Variants in COP1 observed in about 807,000 individuals in gnomAD.
The protein encoded by COP1 is COP1 E3 ubiquitin ligase, also known as E3 ubiquitin-protein ligase COP1.
In COP1, 24 loss-of-function variants were observed where a neutral mutation model predicts 101.3. The ratio of observed to expected loss-of-function variants is 0.24; its 90% CI spans 0.17 to 0.33. The LOEUF is 0.33. COP1 is among the 10% of genes least tolerant of loss of function. COP1 has a pLI of 1.00. For missense variants in COP1, 663 were observed against 906.2 expected (o/e 0.73, Z 3.45); for synonymous variants, 347 against 341.9 (o/e 1.01, Z -0.17).
chr1:175,947,896 C>T (rs1330047758), intron 18 of COP1, among the ~76,000 whole-genome samples: 1 of 152,140 alleles, frequency 6.6e-6, no homozygotes, highest in African/African-American at 2.4e-5. Flanking sequence ...TGAATAATTG[C>T]TTTCCCAGCA....
At chr1:176,169,777 T>C (rs1695755555) in intron 3 of COP1, among the ~76,000 whole-genome samples, 1 of 152,180 alleles carries the variant, frequency 6.6e-6, no homozygotes, top group South Asian at 2.1e-4. Flanking sequence ...AAGAACACAA[T>C]GACGAAGACT....
At position 175,944,906 on chromosome 1, in the gene COP1, G is replaced by T; in HGVS notation, c.*247C>A. Reference sequence around the variant, plus strand: ...ATTTGTTTCCCTATCACAAAAATTAGATAACACCACCAAGAGCAGCAATGT... The same window carrying T: ...ATTTGTTTCCCTATCACAAAAATTATATAACACCACCAAGAGCAGCAATGT... On this transcript the variant is annotated 3_prime_UTR_variant, in exon 20 of 20. Coordinates refer to ENST00000367669, the MANE Select transcript of COP1 (RefSeq NM_022457.7). 2 of 419,950 alleles carry T rather than the reference G, an allele frequency of 4.8e-6. No homozygotes were observed. Among genetic ancestry groups the T allele is most frequent in the South Asian group, 7.9e-5 (1 of 12,632 alleles). The allele number at this position is 419,950 out of a possible 1,614,324, so 26.0% of individuals were successfully genotyped here.
At chr1:176,115,571 AC>A (rs2149591843) in intron 9 of COP1, among the ~76,000 whole-genome samples, 1 of 151,840 alleles carries the variant, frequency 6.6e-6, no homozygotes, top group African/African-American at 2.4e-5. Context: ...ACATGGTGAA[AC>A]CCCGTTTCTA....
chr1:176,037,567 A>C (rs1258947260), intron 14 of COP1, among the ~76,000 whole-genome samples: 1 of 152,058 alleles, frequency 6.6e-6, no homozygotes, highest in Non-Finnish European at 1.5e-5. Flanking sequence ...AACAAACAAA[A>C]AAACCTCAAG....
At chr1:176,041,107 A>AT (rs1309211086) in intron 14 of COP1, among the ~76,000 whole-genome samples, 1 of 152,146 alleles carries the variant, frequency 6.6e-6, no homozygotes, top group African/African-American at 2.4e-5. Flanking sequence ...TCGTTAAGAG[A>AT]TTTTAGTATA....
chr1:176,048,743 ATGT>A (rs1053901398), intron 11 of COP1, among the ~76,000 whole-genome samples: 1 of 152,178 alleles, frequency 6.6e-6, no homozygotes, highest in African/African-American at 2.4e-5. Flanking sequence ...CACCATTCCA[ATGT>A]TGTGCCAGTA....
At chr1:176,149,202 T>C in intron 5 of COP1, 128 bp from the exon 6 acceptor site, 3 of 464,532 alleles carry the variant, frequency 6.5e-6, no homozygotes, top group Non-Finnish European at 1.1e-5. Context: ...TATTTCTATT[T>C]AATCAGTTTT....
chr1:176,170,998 G>A (rs545755855), intron 3 of COP1, among the ~76,000 whole-genome samples: 21 of 151,690 alleles, frequency 1.4e-4, no homozygotes, highest in Middle Eastern at 3.4e-3. Flanking sequence ...GGTGGTGGGC[G>A]CCTGTAATCC....
intron 11 of COP1, among the ~76,000 whole-genome samples, chr1:176,059,070 T>C (rs1202014485): frequency 6.6e-6 from 1 of 152,222 alleles, no homozygotes; most frequent in African/African-American, 2.4e-5. Context: ...TTACAGGTGG[T>C]TGCAGATCTC....
chr1:176,140,927 A>G (rs567462914), intron 6 of COP1, among the ~76,000 whole-genome samples: 2 of 152,302 alleles, frequency 1.3e-5, no homozygotes, highest in African/African-American at 4.8e-5. Flanking sequence ...AAGCCCAAAG[A>G]AAACTTTTAG....
intron 11 of COP1, among the ~76,000 whole-genome samples, chr1:176,068,004 C>T (rs944552497): frequency 2.6e-5 from 4 of 152,186 alleles, no homozygotes; most frequent in African/African-American, 9.7e-5. Context: ...GACAAGGGAA[C>T]TTTTCCCATT....
chr1:176,078,500 A>G (rs1036289195), intron 11 of COP1, among the ~76,000 whole-genome samples: 2 of 152,138 alleles, frequency 1.3e-5, no homozygotes, highest in Admixed American at 1.3e-4. Flanking sequence ...ACTCAAGATC[A>G]ATCAAAACTT....
At chr1:176,165,361 C>CGTGTGTGT (rs34291468) in intron 3 of COP1, among the ~76,000 whole-genome samples, 3,988 of 132,052 alleles carry the variant, frequency 0.03, 118 homozygotes, top group South Asian at 0.047. Flanking sequence ...AGATGTGTGT[C>CGTGTGTGT]GTGTGTGTGT....
intron 11 of COP1, among the ~76,000 whole-genome samples, chr1:176,058,131 GGGGT>G: frequency 2.4e-5 from 1 of 41,248 alleles, no homozygotes; most frequent in Non-Finnish European, 7.7e-5. Flanking sequence ...GGAGGGAGGT[GGGGT>G]GGGGGGGGGG....
At chr1:176,082,276 C>A (rs1003936325) in intron 10 of COP1, among the ~76,000 whole-genome samples, 1 of 152,128 alleles carries the variant, frequency 6.6e-6, no homozygotes, top group Admixed American at 6.6e-5. Flanking sequence ...TTATTCTAAG[C>A]CCATACATAC....
At chr1:175,993,768 T>G (rs1245602228) in intron 15 of COP1, among the ~76,000 whole-genome samples, 4 of 152,268 alleles carry the variant, frequency 2.6e-5, no homozygotes, top group African/African-American at 9.6e-5. Flanking sequence ...CTACGTCTGA[T>G]TGGTGTACCT....
intron 15 of COP1, among the ~76,000 whole-genome samples, chr1:176,013,260 T>C (rs1268438364): frequency 1.3e-5 from 2 of 152,158 alleles, no homozygotes; most frequent in Non-Finnish European, 1.5e-5. Context: ...GCTGAGTATG[T>C]AACTCATCCC....
At chr1:176,057,022 C>T (rs1202261839) in intron 11 of COP1, among the ~76,000 whole-genome samples, 2 of 152,140 alleles carry the variant, frequency 1.3e-5, no homozygotes, top group Admixed American at 1.3e-4. Context: ...ATTTATACTT[C>T]TCATCCTTAT....
intron 3 of COP1, among the ~76,000 whole-genome samples, chr1:176,164,495 G>A (rs1370177430): frequency 2.0e-5 from 3 of 152,150 alleles, no homozygotes; most frequent in East Asian, 1.9e-4. Context: ...AGTGGTTGAT[G>A]TGGGGTTAAG....
Sources: allele counts gnomAD v4.1 joint callset (sites outside exome capture counted in the v4.1 genomes callset), GRCh38; gene constraint gnomAD v4.1.1; transcripts MANE v1.5; gene names NCBI Gene and HGNC (gene_info 2026-07-23, HGNC 2026-07-21).